Variants in PDE11A observed in about 807,000 individuals in gnomAD.
The protein encoded by PDE11A is dual 3',5'-cyclic-AMP and -GMP phosphodiesterase 11A.
In PDE11A, 100 loss-of-function variants were observed where a neutral mutation model predicts 100.5. The ratio of observed to expected loss-of-function variants is 1.00; its 90% CI spans 0.85 to 1.18. The LOEUF (loss-of-function observed/expected upper bound fraction) is 1.18, where lower values mean the gene tolerates loss of function less well. Among genes scored for constraint, PDE11A ranks in the 50% most tolerant of loss-of-function variants. The pLI, the probability that PDE11A is intolerant of heterozygous loss-of-function variation, is 0.00. For missense variants in PDE11A, 1,141 were observed against 1,152.6 expected (o/e 0.99, Z 0.15); for synonymous variants, 381 against 420.8 (o/e 0.91, Z 1.16).
chr2:177,734,382 C>G (rs548195209), intron 10 of PDE11A, among the ~76,000 whole-genome samples: 5 of 151,872 alleles, frequency 3.3e-5, no homozygotes, highest in Non-Finnish European at 7.4e-5. Context: ...AGCAGAACAG[C>G]GATGTTATGA....
rs374835762 is a variant in PDE11A, at chr2:177,905,080, A to T, written c.1161+18T>A. 7.3e-7 allele frequency: 1 copy of T among 1,370,892 alleles called. No homozygotes were observed. The highest frequency in any genetic ancestry group is 1.0e-6 in the Non-Finnish European group (1 of 957,528). The allele number at this position is 1,370,892 out of a possible 1,614,324, so 84.9% of individuals were successfully genotyped here. Reference sequence around the variant, plus strand: ...AAGAGAGTTTTGAGGAGTGTCAACAATGTTTTTATTTACTCACTCTGCTTC... The same window carrying T: ...AAGAGAGTTTTGAGGAGTGTCAACATTGTTTTTATTTACTCACTCTGCTTC... On this transcript the variant is annotated intron_variant, in intron 3 of 19. Transcript: ENST00000286063.
chr2:177,919,506 A>G (rs1031678575), intron 2 of PDE11A, among the ~76,000 whole-genome samples: 1 of 152,210 alleles, frequency 6.6e-6, no homozygotes, highest in African/African-American at 2.4e-5. Flanking sequence ...TGATTGTTCA[A>G]TGTTTCAAGA....
intron 1 of PDE11A, among the ~76,000 whole-genome samples, chr2:178,106,764 A>G (rs2087622190): frequency 6.6e-6 from 1 of 152,138 alleles, no homozygotes; most frequent in South Asian, 2.1e-4. Flanking sequence ...GTTCGAGACC[A>G]GCCTGGCCAA....
intron 5 of PDE11A, among the ~76,000 whole-genome samples, chr2:177,847,847 C>T (rs1456174670): frequency 1.3e-5 from 2 of 152,166 alleles, no homozygotes; most frequent in African/African-American, 4.8e-5. Context: ...TGCCCATACC[C>T]CTCTCTGTAG....
At chr2:177,682,385 A>G (rs1188008369) in intron 15 of PDE11A, among the ~76,000 whole-genome samples, 1 of 152,234 alleles carries the variant, frequency 6.6e-6, no homozygotes, top group African/African-American at 2.4e-5. Context: ...TGCTGAGTCT[A>G]TGTCACAGGC....
At chr2:177,719,110 T>C (rs2081487265) in intron 12 of PDE11A, among the ~76,000 whole-genome samples, 1 of 152,112 alleles carries the variant, frequency 6.6e-6, no homozygotes, top group South Asian at 2.1e-4. Flanking sequence ...TCCTGCTTGG[T>C]TTCTGGAGGA....
chr2:178,070,909 A>G (rs1431996280), intron 1 of PDE11A, among the ~76,000 whole-genome samples: 1 of 152,190 alleles, frequency 6.6e-6, no homozygotes, highest in Non-Finnish European at 1.5e-5. Context: ...AATCTTAATA[A>G]CAGAAACAGT....
At chr2:178,046,634 C>G (rs980857332) in intron 1 of PDE11A, among the ~76,000 whole-genome samples, 57 of 152,136 alleles carry the variant, frequency 3.7e-4, no homozygotes, top group African/African-American at 1.3e-3. Context: ...TTGATTGCCC[C>G]TTTCAAGTCA....
At chr2:177,892,631 C>T (rs2105720516) in intron 4 of PDE11A, among the ~76,000 whole-genome samples, 1 of 152,372 alleles carries the variant, frequency 6.6e-6, no homozygotes, top group African/African-American at 2.4e-5. Context: ...GAAATTTTCA[C>T]CAAGGAGACA....
chr2:178,057,121 C>T (rs1444776786), intron 1 of PDE11A, among the ~76,000 whole-genome samples: 1 of 152,126 alleles, frequency 6.6e-6, no homozygotes. Flanking sequence ...TTTAACTATT[C>T]CTTTGAGCTT....
chr2:177,703,713 T>A (rs1289460815), intron 13 of PDE11A, among the ~76,000 whole-genome samples: 4 of 152,214 alleles, frequency 2.6e-5, no homozygotes, highest in Non-Finnish European at 1.5e-5. Context: ...ATCAGCTAGA[T>A]GATCAGAAGT....
chr2:177,777,543 G>A (rs1163006979), intron 9 of PDE11A, among the ~76,000 whole-genome samples: 3 of 152,032 alleles, frequency 2.0e-5, no homozygotes, highest in Non-Finnish European at 4.4e-5. Context: ...CTACCTTCCT[G>A]GATAAGTTAG....
intron 2 of PDE11A, among the ~76,000 whole-genome samples, chr2:177,911,694 A>G (rs566814604): frequency 6.5e-4 from 99 of 152,072 alleles, no homozygotes; most frequent in African/African-American, 2.3e-3. Context: ...GACTAGCCTG[A>G]CCAACATGGT....
intron 1 of PDE11A, among the ~76,000 whole-genome samples, chr2:178,027,924 A>T (rs922266231): frequency 1.4e-4 from 21 of 152,330 alleles, no homozygotes; most frequent in African/African-American, 4.6e-4. Context: ...AATACTATCA[A>T]CTAAAAAAAA....
chr2:178,023,101 G>C (rs1232008132), intron 1 of PDE11A, among the ~76,000 whole-genome samples: 4 of 152,146 alleles, frequency 2.6e-5, no homozygotes, highest in Non-Finnish European at 1.5e-5. Context: ...CTCCTTCATA[G>C]AGAACAGTAA....
At chr2:177,853,746 G>A (rs2083772136) in intron 5 of PDE11A, among the ~76,000 whole-genome samples, 2 of 41,386 alleles carry the variant, frequency 4.8e-5, no homozygotes, top group South Asian at 1.1e-3. Context: ...CTATATGTGT[G>A]TATATATATC....
At chr2:177,866,490 C>G (rs1400146207) in intron 5 of PDE11A, among the ~76,000 whole-genome samples, 1 of 152,236 alleles carries the variant, frequency 6.6e-6, no homozygotes, top group Non-Finnish European at 1.5e-5. Context: ...TGATCCTGCT[C>G]TCTTTAGCTT....
chr2:177,966,545 G>T (rs1306365202), intron 2 of PDE11A, among the ~76,000 whole-genome samples: 1 of 150,662 alleles, frequency 6.6e-6, no homozygotes, highest in Non-Finnish European at 1.5e-5. Flanking sequence ...GTTTATAGAG[G>T]GTGTTTTTTT....
intron 2 of PDE11A, among the ~76,000 whole-genome samples, chr2:177,927,934 G>A (rs562424127): frequency 7.9e-5 from 12 of 151,856 alleles, no homozygotes; most frequent in African/African-American, 1.7e-4. Flanking sequence ...GAGAAACCCC[G>A]TCTCTACTAA....
Sources: gnomAD v4.1 joint callset for allele counts (sites outside exome capture counted in the v4.1 genomes callset) on GRCh38, gnomAD v4.1.1 for gene constraint, MANE v1.5 for transcripts, NCBI Gene and HGNC (gene_info 2026-07-23, HGNC 2026-07-21) for gene names.